The following DMD variants were observed in gnomAD, a reference collection of about 807,000 sequenced individuals.
DMD encodes dystrophin.
DMD carries 63 observed loss-of-function variants against 330.1 expected under a neutral mutation model. The observed-to-expected ratio is 0.19, with a 90% confidence interval of 0.16 to 0.24. The LOEUF is 0.24. DMD is among the 10% of genes least tolerant of loss of function. The pLI, the probability that DMD is intolerant of heterozygous loss-of-function variation, is 1.00. For missense variants in DMD, 3,344 were observed against 2,684.1 expected (o/e 1.25, Z -5.43); for synonymous variants, 1,223 against 959.8 (o/e 1.27, Z -5.07).
chrX:31,706,008 T>C (rs1354997695), intron 52 of DMD, among the ~76,000 whole-genome samples: 1 of 111,860 alleles, frequency 8.9e-6, no homozygotes, highest in Non-Finnish European at 1.9e-5. Flanking sequence ...AGATAAAGCA[T>C]GACAGGTGGT....
At chrX:31,265,271 G>A (rs777043264) in intron 62 of DMD, among the ~76,000 whole-genome samples, 1 of 112,122 alleles carries the variant, frequency 8.9e-6, no homozygotes, top group South Asian at 3.7e-4. Context: ...TGGCATTTGC[G>A]TGCTGAATTG....
rs558141614 is a variant in DMD, at chrX:31,425,541, G to T, written c.9084+18940C>A. Among the ~76,000 whole-genome samples the T allele has an allele frequency of 2.2e-4, 25 of 111,557 alleles. No individual in the cohort carries two copies. The South Asian group carries it at 9.4e-3, about 42-fold the overall frequency. On this transcript the variant is annotated intron_variant, in intron 60 of 78. Coordinates refer to ENST00000357033, the MANE Select transcript of DMD (RefSeq NM_004006.3). Reference sequence around the variant, plus strand: ...GCTCTGAGGAAAAAATTAAAATCTGGTCTAAGCCAATCACAGTAAGCTTGT... The same window carrying T: ...GCTCTGAGGAAAAAATTAAAATCTGTTCTAAGCCAATCACAGTAAGCTTGT...
At chrX:32,312,230 A>T (rs2097565070) in intron 41 of DMD, among the ~76,000 whole-genome samples, 1 of 111,310 alleles carries the variant, frequency 9.0e-6, no homozygotes, top group African/African-American at 3.3e-5. Flanking sequence ...TTAGAAAAAA[A>T]TCTGGGTGGC....
chrX:33,004,028 G>A (rs938920973), intron 2 of DMD, among the ~76,000 whole-genome samples: 3 of 111,994 alleles, frequency 2.7e-5, no homozygotes, highest in African/African-American at 6.5e-5. Flanking sequence ...GATAGAGAAC[G>A]CTCCAGATTC....
chrX:31,365,598 G>C (rs1344287407), intron 60 of DMD, among the ~76,000 whole-genome samples: 1 of 112,220 alleles, frequency 8.9e-6, no homozygotes, highest in Non-Finnish European at 1.9e-5. Flanking sequence ...CAGGTCCTAA[G>C]AGATACCCCC....
chrX:32,827,921 C>A (rs2078861185), intron 4 of DMD, among the ~76,000 whole-genome samples: 1 of 111,173 alleles, frequency 9.0e-6, no homozygotes, highest in African/African-American at 3.3e-5. Context: ...CTCGGCCTCC[C>A]AAAGTACTAG....
intron 50 of DMD, among the ~76,000 whole-genome samples, chrX:31,811,817 A>G (rs761826443): frequency 2.7e-5 from 3 of 111,890 alleles, no homozygotes; most frequent in Non-Finnish European, 5.6e-5. Flanking sequence ...CACCTGAAGC[A>G]GAATCAACAG....
intron 74 of DMD, among the ~76,000 whole-genome samples, chrX:31,162,442 C>T (rs1294555414): frequency 9.6e-6 from 1 of 104,391 alleles, no homozygotes; most frequent in African/African-American, 3.5e-5. Context: ...GGCAGCTGTA[C>T]TTGTAAGATG....
intron 1 of DMD, among the ~76,000 whole-genome samples, chrX:33,194,809 T>C (rs1295497448): frequency 9.0e-6 from 1 of 110,832 alleles, no homozygotes. Flanking sequence ...ATTGAAAGGG[T>C]TCAAGACACC....
intron 60 of DMD, among the ~76,000 whole-genome samples, chrX:31,371,213 A>T (rs1479858796): frequency 9.0e-6 from 1 of 111,124 alleles, no homozygotes; most frequent in East Asian, 2.8e-4. Context: ...AATTTCTTAC[A>T]ACTCCATGTG....
At position 31,172,343 on chromosome X, in the gene DMD, C is replaced by T. The variant is rs1228308100; in HGVS notation, c.10394+5G>A. On this transcript the variant is annotated splice_donor_5th_base_variant and intron_variant, in intron 73 of 78. Transcript: ENST00000357033. ...ACATTTTGTAAAAAGAGATGGGATACTTACATGCTCTCATTAGGAGAGATG... is the reference window on the plus strand; with the variant it reads ...ACATTTTGTAAAAAGAGATGGGATATTTACATGCTCTCATTAGGAGAGATG... The T allele has an allele frequency of 8.6e-7, 1 of 1,161,386 alleles. No individual in the cohort carries two copies. Among genetic ancestry groups the T allele is most frequent in the Non-Finnish European group, 1.2e-6 (1 of 851,347 alleles).
At chrX:31,483,182 G>T (rs985281732) in intron 57 of DMD, among the ~76,000 whole-genome samples, 6 of 107,817 alleles carry the variant, frequency 5.6e-5, no homozygotes, top group Non-Finnish European at 1.2e-4. Context: ...GAGTAGCTGG[G>T]ACTACAGGCG....
chrX:32,314,864 C>T (rs749371234), intron 41 of DMD, among the ~76,000 whole-genome samples: 8 of 111,216 alleles, frequency 7.2e-5, no homozygotes, highest in African/African-American at 1.6e-4. Context: ...GTTAGAATGG[C>T]GATCATTAAA....
At chrX:31,667,212 C>T (rs997579216) in intron 53 of DMD, among the ~76,000 whole-genome samples, 4 of 111,706 alleles carry the variant, frequency 3.6e-5, no homozygotes, top group Non-Finnish European at 5.7e-5. Context: ...GATTCCATCA[C>T]TTAGCATATT....
At chrX:31,593,503 T>C (rs1388223469) in intron 55 of DMD, among the ~76,000 whole-genome samples, 2 of 111,536 alleles carry the variant, frequency 1.8e-5, no homozygotes, top group African/African-American at 6.5e-5. Context: ...AAGTGTATTT[T>C]GTTAAGATGT....
At chrX:32,421,100 C>A (rs1378697888) in intron 29 of DMD, among the ~76,000 whole-genome samples, 1 of 111,815 alleles carries the variant, frequency 8.9e-6, no homozygotes, top group Non-Finnish European at 1.9e-5. Context: ...TTCATCCTAC[C>A]CAATTACATG....
At chrX:32,096,141 AC>A (rs1675293038) in intron 44 of DMD, among the ~76,000 whole-genome samples, 9 of 111,379 alleles carry the variant, frequency 8.1e-5, no homozygotes, top group Middle Eastern at 4.6e-3. Context: ...TAAATCCCCT[AC>A]CAAATACATT....
chrX:31,603,168 G>A (rs1398941965), intron 55 of DMD, among the ~76,000 whole-genome samples: 2 of 110,392 alleles, frequency 1.8e-5, no homozygotes, highest in African/African-American at 3.3e-5. Flanking sequence ...CAGAACCGAC[G>A]GCCTAGAGAT....
In DMD at chrX:32,868,461, C is replaced by T. The variant is rs1007862673; in HGVS notation, c.94-18641G>A. Among the ~76,000 whole-genome samples the T allele has an allele frequency of 7.2e-5, 8 of 111,722 alleles. 1 individual carries two copies. The highest frequency in any genetic ancestry group is 2.3e-4 in the African/African-American group (7 of 30,652). ...AGAACTGAGCTGCTGTGGGGAGGGG[C>T]AGCAGCCATCACGGTGGCTACCGGC... On this transcript the variant is annotated intron_variant, in intron 2 of 78. Coordinates refer to ENST00000357033, the MANE Select transcript of DMD (RefSeq NM_004006.3).
Sources: gnomAD v4.1 joint callset for allele counts (sites outside exome capture counted in the v4.1 genomes callset) on GRCh38, gnomAD v4.1.1 for gene constraint, MANE v1.5 for transcripts, NCBI Gene and HGNC (gene_info 2026-07-23, HGNC 2026-07-21) for gene names.